AGPAT4: variants seen among roughly 807,000 people sequenced by gnomAD.
AGPAT4 encodes the protein 1-acylglycerol-3-phosphate O-acyltransferase 4, also known as 1-acyl-sn-glycerol-3-phosphate acyltransferase delta.
AGPAT4 carries 15 observed loss-of-function variants against 48.0 expected under a neutral mutation model. The ratio of observed to expected loss-of-function variants is 0.31; its 90% CI spans 0.21 to 0.48. The LOEUF (loss-of-function observed/expected upper bound fraction) is 0.48. AGPAT4 is among the 20% of genes least tolerant of loss of function. The pLI is 0.99. For missense variants in AGPAT4, 314 were observed against 482.5 expected (o/e 0.65, Z 3.27); for synonymous variants, 178 against 198.7 (o/e 0.90, Z 0.88).
chr6:161,214,654 A>C lies in AGPAT4; in HGVS notation c.178+17382T>G, dbSNP rs533299206. On this transcript the variant is annotated intron_variant, in intron 2 of 8. Transcript: ENST00000320285. This position sits in a 1 kb window ranked among gnomAD's most constrained non-coding sequence, Gnocchi z 5.4. ...CATGGTGGCACACACCTGTAGTCCC[A>C]GCTACTCGGGAGGCTGAGGCAGGAG... 1.4e-4 allele frequency among the ~76,000 whole-genome samples: 22 copies of C among 152,324 alleles called. 1 individual carries two copies. The South Asian group carries it at 4.2e-3, about 29-fold the overall frequency.
chr6:161,186,455 C>T (rs1032115020), intron 2 of AGPAT4, among the ~76,000 whole-genome samples: 2 of 152,206 alleles, frequency 1.3e-5, no homozygotes, highest in African/African-American at 4.8e-5. Context: ...TGCAGTCCAC[C>T]GGCTCGCTGC....
intron 2 of AGPAT4, among the ~76,000 whole-genome samples, chr6:161,194,043 G>A (rs1028361546): frequency 6.6e-6 from 1 of 152,100 alleles, no homozygotes; most frequent in Non-Finnish European, 1.5e-5. Context: ...CACTCCATTA[G>A]CCACCAGCCA....
At chr6:161,269,241 CCT>C in intron 1 of AGPAT4, among the ~76,000 whole-genome samples, 1 of 152,036 alleles carries the variant, frequency 6.6e-6, no homozygotes, top group East Asian at 1.9e-4. Context: ...GCCTTCTCTT[CCT>C]CTGTGTCTCC....
At chr6:161,273,285 C>T (rs1012254398) in intron 1 of AGPAT4, among the ~76,000 whole-genome samples, 4 of 152,078 alleles carry the variant, frequency 2.6e-5, no homozygotes, top group African/African-American at 9.7e-5. Flanking sequence ...GAGGTAATTA[C>T]CAATGCCTGT....
At position 161,147,649 on chromosome 6, in the gene AGPAT4, T is replaced by C. The variant is rs1362084137; in HGVS notation, c.768-1050A>G. The stretch of plus-strand genomic sequence containing the variant: ...AATTAGAACTTACCCCATAAGCTCC[T>C]CCGGAAATATTCTTTCACCTTTTCT... On this transcript the variant is annotated intron_variant, in intron 6 of 8. Transcript: ENST00000320285. The surrounding 1 kb of genome is among the most constrained non-coding windows in gnomAD (Gnocchi z 4.8). 6.6e-6 allele frequency among the ~76,000 whole-genome samples: 1 copy of C among 152,172 alleles called. No homozygotes were observed. Among genetic ancestry groups the C allele is most frequent in the African/African-American group, 2.4e-5 (1 of 41,456 alleles).
chr6:161,203,303 G>A (rs1031829700), intron 2 of AGPAT4, among the ~76,000 whole-genome samples: 1 of 151,572 alleles, frequency 6.6e-6, no homozygotes, highest in African/African-American at 2.4e-5. Flanking sequence ...TGTAACCCAT[G>A]CTCAACAAGT....
rs1209090221 is a variant in AGPAT4, at chr6:161,143,177, A to G, written c.843+3347T>C. On this transcript the variant is annotated intron_variant, in intron 7 of 8. Transcript: ENST00000320285. The surrounding 1 kb of genome is among the most constrained non-coding windows in gnomAD (Gnocchi z 4.7). ...AACCTTCAACTTCTAGGCTCAAGCA[A>G]TCCTCCCACTTCAGCTTCCCCAGTA... is the stretch of plus-strand genomic sequence containing the variant. Among the ~76,000 whole-genome samples the G allele has an allele frequency of 6.6e-6, 1 of 152,176 alleles. No homozygotes were observed. Among genetic ancestry groups the G allele is most frequent in the Admixed American group, 6.5e-5 (1 of 15,286 alleles).
rs555650835 is a variant in AGPAT4 at position 161,148,448 on chromosome 6, G to A, written c.767+739C>T. On this transcript the variant is annotated intron_variant, in intron 6 of 8. Coordinates refer to ENST00000320285, the MANE Select transcript of AGPAT4 (RefSeq NM_020133.3). This position sits in a 1 kb window ranked among gnomAD's most constrained non-coding sequence, Gnocchi z 5.5. The stretch of plus-strand genomic sequence containing the variant: ...CCCTGGATTTTCAGGGTGCTGTGTT[G>A]TAATGTGGCTTCTGTAAGGTCTTGA... Among the ~76,000 whole-genome samples the A allele has an allele frequency of 1.1e-3, 175 of 152,330 alleles. No individual in the cohort carries two copies. The highest frequency in any genetic ancestry group is 1.3e-3 in the Non-Finnish European group (86 of 68,038).
At position 161,159,529 on chromosome 6, in the gene AGPAT4, C is replaced by T. The variant is rs1188704264; in HGVS notation, c.349-5219G>A. Among the ~76,000 whole-genome samples the T allele has an allele frequency of 2.0e-5, 3 of 152,202 alleles. No homozygotes were observed. Among genetic ancestry groups the T allele is most frequent in the Admixed American group, 6.5e-5 (1 of 15,282 alleles). ...AGAGAGGATGGTATGGGCCTGGAAT[C>T]TCTGAAATCTGTCCCTAGTTATAGC... On this transcript the variant is annotated intron_variant, in intron 3 of 8. Transcript: ENST00000320285. This position sits in a 1 kb window ranked among gnomAD's most constrained non-coding sequence, Gnocchi z 4.1.
At chr6:161,187,713 T>C (rs891457743) in intron 2 of AGPAT4, among the ~76,000 whole-genome samples, 6 of 152,002 alleles carry the variant, frequency 3.9e-5, no homozygotes, top group African/African-American at 1.2e-4. Context: ...GCTAATTTTT[T>C]TTGTATGTTT....
chr6:161,147,682 C>G lies in AGPAT4; in HGVS notation c.768-1083G>C, dbSNP rs571007475. Among the ~76,000 whole-genome samples, 2 of 152,206 alleles carry G rather than the reference C, an allele frequency of 1.3e-5. No individual in the cohort carries two copies. Among genetic ancestry groups the G allele is most frequent in the South Asian group, 2.1e-4 (1 of 4,828 alleles). On this transcript the variant is annotated intron_variant, in intron 6 of 8. Coordinates refer to ENST00000320285, the MANE Select transcript of AGPAT4 (RefSeq NM_020133.3). The surrounding 1 kb of genome is among the most constrained non-coding windows in gnomAD (Gnocchi z 4.8). ...TATTCTTTCACCTTTTCTGTTCCTACGCACACTGCACTTCTCTGGATCCTC... is the reference window on the plus strand; with the variant it reads ...TATTCTTTCACCTTTTCTGTTCCTAGGCACACTGCACTTCTCTGGATCCTC...
intron 1 of AGPAT4, among the ~76,000 whole-genome samples, chr6:161,257,430 G>A (rs1006143518): frequency 6.6e-6 from 1 of 152,200 alleles, no homozygotes; most frequent in East Asian, 1.9e-4. Flanking sequence ...AGACACATGT[G>A]AGGATGGATC....
At chr6:161,172,363 C>T (rs759882642) in intron 2 of AGPAT4, among the ~76,000 whole-genome samples, 43 of 152,306 alleles carry the variant, frequency 2.8e-4, no homozygotes, top group Admixed American at 7.2e-4. Context: ...CCACACCTGC[C>T]GAGCACAGGG....
At position 161,144,374 on chromosome 6, in the gene AGPAT4, G is replaced by C. The variant is rs192938423; in HGVS notation, c.843+2150C>G. The C allele has an allele frequency of 3.4e-4, 123 of 361,650 alleles. No homozygotes were observed. Among genetic ancestry groups the C allele is most frequent in the Non-Finnish European group, 5.7e-4 (102 of 180,512 alleles). The allele number at this position is 361,650 out of a possible 1,614,324, so 22.4% of individuals were successfully genotyped here. The stretch of plus-strand genomic sequence containing the variant: ...TCGGACCTGAATTTCCTCATCAGTA[G>C]TGTAAGAGCTTTGGAGTAGATGATC... On this transcript the variant is annotated intron_variant, in intron 7 of 8. Coordinates refer to ENST00000320285, the MANE Select transcript of AGPAT4 (RefSeq NM_020133.3). This position sits in a 1 kb window ranked among gnomAD's most constrained non-coding sequence, Gnocchi z 6.6.
rs1174455514 is a variant in AGPAT4, at chr6:161,158,272, T to C, written c.349-3962A>G. The stretch of plus-strand genomic sequence containing the variant: ...AAGGTTCAATAGGCTATAACTATCA[T>C]GGCTTTCCCAGGCCACTCAGAGGCT... On this transcript the variant is annotated intron_variant, in intron 3 of 8. Coordinates refer to ENST00000320285, the MANE Select transcript of AGPAT4 (RefSeq NM_020133.3). This position sits in a 1 kb window ranked among gnomAD's most constrained non-coding sequence, Gnocchi z 5.3. 6.6e-6 allele frequency among the ~76,000 whole-genome samples: 1 copy of C among 152,222 alleles called. No individual in the cohort carries two copies. The highest frequency in any genetic ancestry group is 2.4e-5 in the African/African-American group (1 of 41,460).
rs1285567412 is a variant in AGPAT4, at chr6:161,161,153, G to T, written c.348+5095C>A. The T allele has an allele frequency of 6.6e-6, 3 of 456,592 alleles. No individual in the cohort carries two copies. Among genetic ancestry groups the T allele is most frequent in the Admixed American group, 2.3e-5 (1 of 42,564 alleles). 28.3% of individuals were successfully genotyped at this position (456,592 alleles called of 1,614,324 possible). ...TTTCAACAACCCTGGCTTTATGAGC[G>T]GTGGGATCAGACTCTGGCTTGTTAA... is the stretch of plus-strand genomic sequence containing the variant. On this transcript the variant is annotated intron_variant, in intron 3 of 8. Coordinates refer to ENST00000320285, the MANE Select transcript of AGPAT4 (RefSeq NM_020133.3). This position sits in a 1 kb window ranked among gnomAD's most constrained non-coding sequence, Gnocchi z 4.6.
At chr6:161,170,471 GCGCACACACACA>G (rs1362745282) in intron 2 of AGPAT4, among the ~76,000 whole-genome samples, 64 of 113,806 alleles carry the variant, frequency 5.6e-4, no homozygotes, top group South Asian at 1.3e-3. Context: ...ACGTGCGCGC[GCGCACACACACA>G]CACACACACA....
Position 161,149,414 on chromosome 6 carries a change from A to ATT in AGPAT4, c.665-127_665-126dup. 1.3e-6 allele frequency: 1 copy of ATT among 790,974 alleles called. No homozygotes were observed. Among genetic ancestry groups the ATT allele is most frequent in the Non-Finnish European group, 1.9e-6 (1 of 526,044 alleles). The allele number at this position is 790,974 out of a possible 1,614,324, so 49.0% of individuals were successfully genotyped here. Reference sequence around the variant, plus strand: ...GCTTATCTAGAAATGGTGTGGTCAGATTTCTTTCTTTCTATATGGTCCACA... The same window carrying ATT: ...GCTTATCTAGAAATGGTGTGGTCAGATTTTTCTTTCTTTCTATATGGTCCACA... On this transcript the variant is annotated intron_variant, in intron 5 of 8. Transcript: ENST00000320285. This position sits in a 1 kb window ranked among gnomAD's most constrained non-coding sequence, Gnocchi z 6.5.
chr6:161,172,476 G>C (rs948185742), intron 2 of AGPAT4, among the ~76,000 whole-genome samples: 11 of 152,190 alleles, frequency 7.2e-5, no homozygotes, highest in Non-Finnish European at 1.3e-4. Context: ...CAGAGAGCCA[G>C]GGGCACCAAA....
Sources: allele counts gnomAD v4.1 joint callset (sites outside exome capture counted in the v4.1 genomes callset), GRCh38; gene constraint gnomAD v4.1.1; non-coding constraint Gnocchi (gnomAD v3.1); transcripts MANE v1.5; gene names NCBI Gene and HGNC (gene_info 2026-07-23, HGNC 2026-07-21).